The following ACSM1 variants were observed in gnomAD, a reference collection of about 807,000 sequenced individuals.
The protein encoded by ACSM1 is acyl-CoA synthetase medium chain family member 1.
In ACSM1, 79 loss-of-function variants were observed where a neutral mutation model predicts 75.8. The observed-to-expected ratio is 1.04, with a 90% CI of 0.87 to 1.26. The LOEUF (loss-of-function observed/expected upper bound fraction) is 1.26, where lower values mean the gene tolerates loss of function less well. Ranked by LOEUF, ACSM1 falls within the 50% of genes most tolerant of loss-of-function variation. The pLI is 0.00. For synonymous variants in ACSM1, 279 were observed against 265.8 expected, an observed-to-expected ratio of 1.05 and a Z score of -0.48; for missense variants, 676 against 720.1, an observed-to-expected ratio of 0.94 and a Z score of 0.70.
chr16:20,637,238 G>T, intron 9 of ACSM1, 133 bp downstream of exon 9: 1 of 827,646 alleles, frequency 1.2e-6, no homozygotes, highest in Non-Finnish European at 2.1e-6. Context: ...ATATGAAACT[G>T]AAGGGATAAA....
intron 8 of ACSM1, among the ~76,000 whole-genome samples, chr16:20,639,673 C>T (rs1323359402): frequency 6.6e-6 from 1 of 152,172 alleles, no homozygotes; most frequent in East Asian, 1.9e-4. Context: ...ACAAATTAGC[C>T]TAGAACTCTA....
In ACSM1 at chr16:20,625,538, T is replaced by C. The variant is rs745461534; in HGVS notation, c.1428-16A>G. On this transcript the variant is annotated splice_polypyrimidine_tract_variant and intron_variant, in intron 11 of 13. Coordinates refer to ENST00000520010, the MANE Select transcript of ACSM1 (RefSeq NM_001318890.3). ...GATGCGATACCTGGAGGATGAAGGG[T>C]TCTGAGGCAGATGCCAGGGCTGGGG... 32 of 1,611,364 alleles carry C rather than the reference T, an allele frequency of 2.0e-5. No homozygotes were observed. The highest frequency in any genetic ancestry group is 3.3e-4 in the Middle Eastern group (2 of 6,056).
chr16:20,635,369 C>T (rs554111829), intron 10 of ACSM1, among the ~76,000 whole-genome samples: 111 of 152,198 alleles, frequency 7.3e-4, no homozygotes, highest in African/African-American at 2.6e-3. Flanking sequence ...CACTCCAGCT[C>T]GGTGACAGAG....
Position 20,645,148 on chromosome 16 carries a change from A to G in ACSM1, c.993-4564T>C, listed in dbSNP as rs1471333247. Among the ~76,000 whole-genome samples the G allele has an allele frequency of 2.0e-5, 3 of 152,350 alleles. No homozygotes were observed. In the East Asian group the frequency reaches 5.8e-4, roughly 29 times the overall value. ...AGCTGGTAAAGGACCACTAGAATCC[A>G]GCAGCCCATACCCCTTTCTTTGTGG... On this transcript the variant is annotated intron_variant, in intron 7 of 13. Transcript: ENST00000520010.
At chr16:20,683,815 AC>A (rs2079498149) in intron 3 of ACSM1, among the ~76,000 whole-genome samples, 1 of 150,476 alleles carries the variant, frequency 6.6e-6, no homozygotes, top group South Asian at 2.1e-4. Context: ...TGATCCACCC[AC>A]CTCAGCCTCC....
rs142985010 is a variant in ACSM1 at position 20,645,613 on chromosome 16, A to G, written c.993-5029T>C. 5.3e-5 allele frequency among the ~76,000 whole-genome samples: 8 copies of G among 152,320 alleles called. 1 individual carries two copies. In the East Asian group the frequency reaches 1.5e-3, roughly 29 times the overall value. ...AACTCCAAATGAGAGAAGTGCCGCC[A>G]TTACTGCAGCCTGAGAGTTTGGTGA... On this transcript the variant is annotated intron_variant, in intron 7 of 13. Coordinates refer to ENST00000520010, the MANE Select transcript of ACSM1 (RefSeq NM_001318890.3).
rs570773965 is a variant in ACSM1 at position 20,636,997 on chromosome 16, C to T, written c.1198-157G>A. The T allele has an allele frequency of 4.9e-4, 336 of 681,406 alleles. 2 individuals are homozygous for T. Among genetic ancestry groups the T allele is most frequent in the Admixed American group, 8.1e-4 (34 of 41,844 alleles). 42.2% of individuals were successfully genotyped at this position (681,406 alleles called of 1,614,324 possible). ...AAAACTGTCAAAAGCCTTTAAAATA[C>T]GCAAATGTGAAACTCAAGCCAAGGG... On this transcript the variant is annotated intron_variant, in intron 9 of 13. Coordinates refer to ENST00000520010, the MANE Select transcript of ACSM1 (RefSeq NM_001318890.3).
chr16:20,673,165 T>C (rs973249536), intron 4 of ACSM1, among the ~76,000 whole-genome samples: 5 of 150,952 alleles, frequency 3.3e-5, no homozygotes, highest in Non-Finnish European at 5.9e-5. Context: ...TGCCCTAGCA[T>C]GAGCTTGAGA....
At chr16:20,693,528 C>A (rs2079674090) in intron 1 of ACSM1, among the ~76,000 whole-genome samples, 1 of 152,190 alleles carries the variant, frequency 6.6e-6, no homozygotes. Flanking sequence ...CTCTTGCTCA[C>A]TTTCAACAAT....
At chr16:20,685,450 A>G (rs963433476) in intron 2 of ACSM1, 47 bp from the exon 3 acceptor site, 16 of 1,559,646 alleles carry the variant, frequency 1.0e-5, no homozygotes, top group Non-Finnish European at 1.4e-5. Flanking sequence ...TCAAAGAAAA[A>G]GGGCACTTAG....
At chr16:20,630,771 G>A (rs2017293988) in intron 10 of ACSM1, among the ~76,000 whole-genome samples, 2 of 152,086 alleles carry the variant, frequency 1.3e-5, no homozygotes, top group African/African-American at 4.8e-5. Flanking sequence ...CCATATATTA[G>A]GCCAGAAGAG....
intron 4 of ACSM1, among the ~76,000 whole-genome samples, chr16:20,672,864 A>T (rs60890968): frequency 0.012 from 1,580 of 129,846 alleles, 38 homozygotes; most frequent in African/African-American, 0.046. Context: ...TGTAATATAT[A>T]ATATATAAAT....
At chr16:20,685,083 G>T (rs2079522291) in intron 3 of ACSM1, 110 bp downstream of exon 3, 3 of 1,156,278 alleles carry the variant, frequency 2.6e-6, no homozygotes, top group African/African-American at 3.1e-5. Flanking sequence ...CTGGGGCGAA[G>T]GCTTCAAAGC....
rs1185431987 is a variant in ACSM1, at chr16:20,685,355, C to T, written c.241G>A (p.Gly81Arg). ...NPAFWWVNGQ[G>R]DEVKWSFREM... Reference sequence around the variant, plus strand: ...CTGAAGCTCCACTTTACTTCATCCCCTTGGCCATTCACCCACCAAAAAGCT... The same window carrying T: ...CTGAAGCTCCACTTTACTTCATCCCTTTGGCCATTCACCCACCAAAAAGCT... The change falls in exon 3 of 14, where the codon GGG (glycine) becomes AGG (arginine). Residue 81 changes from glycine (G) to arginine (R), a missense_variant. Gly to Arg is a moderately radical substitution (Grantham distance 125). Coordinates refer to ENST00000520010, the MANE Select transcript of ACSM1 (RefSeq NM_001318890.3). 6.2e-7 allele frequency: 1 copy of T among 1,614,078 alleles called. No individual in the cohort carries two copies. The highest frequency in any genetic ancestry group is 2.2e-5 in the East Asian group (1 of 44,896).
chr16:20,657,693 G>C (rs190348952), intron 7 of ACSM1, among the ~76,000 whole-genome samples: 251 of 152,028 alleles, frequency 1.7e-3, no homozygotes, highest in African/African-American at 5.9e-3. Context: ...TGCCACGATG[G>C]TGTGCTGCAC....
At chr16:20,672,937 A>T (rs1235542569) in intron 4 of ACSM1, among the ~76,000 whole-genome samples, 1 of 138,566 alleles carries the variant, frequency 7.2e-6, no homozygotes, top group Non-Finnish European at 1.5e-5. Context: ...ATAAATATAT[A>T]AAAACATTTA....
intron 8 of ACSM1, among the ~76,000 whole-genome samples, chr16:20,639,123 G>C (rs547515162): frequency 1.4e-4 from 22 of 152,324 alleles, no homozygotes; most frequent in African/African-American, 5.1e-4. Context: ...AATGGAGACA[G>C]AGGGAGAAAG....
intron 4 of ACSM1, chr16:20,681,299 G>A (rs750699784): frequency 2.6e-5 from 4 of 152,234 alleles, no homozygotes; most frequent in South Asian, 2.1e-4. Flanking sequence ...TGAAGGAAGA[G>A]TATGTGGAAA....
intron 7 of ACSM1, among the ~76,000 whole-genome samples, chr16:20,647,194 A>G (rs2018414547): frequency 1.3e-5 from 2 of 152,226 alleles, no homozygotes; most frequent in South Asian, 4.1e-4. Flanking sequence ...TGCAGGAGAT[A>G]AATGAACCAT....
Sources: allele counts gnomAD v4.1 joint callset (sites outside exome capture counted in the v4.1 genomes callset), GRCh38; gene constraint gnomAD v4.1.1; transcripts MANE v1.5; gene names NCBI Gene and HGNC (gene_info 2026-07-23, HGNC 2026-07-21).